GRTP1: variants seen among roughly 807,000 people sequenced by gnomAD.
GRTP1 encodes growth hormone-regulated TBC protein 1.
Under a neutral mutation model 38.1 loss-of-function variants are expected in GRTP1, and 56 were observed. The ratio of observed to expected loss-of-function variants is 1.47; its 90% CI spans 1.19 to 1.84. The LOEUF is 1.84. GRTP1 is among the 40% of genes most tolerant of loss of function. The pLI, the probability that GRTP1 is intolerant of heterozygous loss-of-function variation, is 0.00. For synonymous variants in GRTP1, 217 were observed against 189.5 expected (o/e 1.14, Z -1.19); for missense variants, 506 against 453.9 (o/e 1.11, Z -1.04).
intron 5 of GRTP1, among the ~76,000 whole-genome samples, chr13:113,338,067 CAT>C (rs2042978208): frequency 6.6e-6 from 1 of 152,270 alleles, no homozygotes; most frequent in South Asian, 2.1e-4. Flanking sequence ...TGCACCGACT[CAT>C]GACTGACGCA....
intron 2 of GRTP1, among the ~76,000 whole-genome samples, chr13:113,357,577 A>ATGAAAAACAT (rs1403997599): frequency 6.6e-6 from 1 of 152,144 alleles, no homozygotes. Context: ...TTACAGGAAC[A>ATGAAAAACAT]TGAAAAACAT....
intron 3 of GRTP1, among the ~76,000 whole-genome samples, chr13:113,352,197 A>G (rs558740580): frequency 7.0e-6 from 1 of 143,656 alleles, no homozygotes; most frequent in South Asian, 2.2e-4. Flanking sequence ...AGCTGTGTTC[A>G]TTTATATGTA....
intron 5 of GRTP1, among the ~76,000 whole-genome samples, chr13:113,341,954 GT>G (rs961528103): frequency 1.3e-5 from 2 of 150,924 alleles, no homozygotes; most frequent in African/African-American, 2.4e-5. Flanking sequence ...GCCCGGCCCT[GT>G]TTTTTTTTGA....
At chr13:113,362,355 A>C (rs2043514105) in intron 2 of GRTP1, among the ~76,000 whole-genome samples, 1 of 152,118 alleles carries the variant, frequency 6.6e-6, no homozygotes, top group African/African-American at 2.4e-5. Flanking sequence ...AAAAAGAATA[A>C]ATGAAAAGGA....
intron 5 of GRTP1, among the ~76,000 whole-genome samples, chr13:113,329,967 G>T (rs970718176): frequency 6.6e-6 from 1 of 152,244 alleles, no homozygotes; most frequent in African/African-American, 2.4e-5. Flanking sequence ...AAGTGTGCAT[G>T]GAAAACCAGG....
At position 113,357,766 on chromosome 13, in the gene GRTP1, G is replaced by A. The variant is rs759929190; in HGVS notation, c.182-2285C>T. 7.9e-4 allele frequency among the ~76,000 whole-genome samples: 120 copies of A among 152,120 alleles called. 1 individual carries two copies. Among genetic ancestry groups the A allele is most frequent in the Admixed American group, 5.2e-4 (8 of 15,272 alleles). Reference sequence around the variant, plus strand: ...TCTGTGCTATACAACAGCAGGAGACGGTGAGTCCCAGCACAGGCAAGGACT... The same window carrying A: ...TCTGTGCTATACAACAGCAGGAGACAGTGAGTCCCAGCACAGGCAAGGACT... On this transcript the variant is annotated intron_variant, in intron 2 of 7. Coordinates refer to ENST00000375431, the MANE Select transcript of GRTP1 (RefSeq NM_024719.4).
rs1378695043 is a variant in GRTP1 at position 113,364,019 on chromosome 13, C to T, written c.32+1G>A. On this transcript the variant is annotated splice_donor_variant, in intron 1 of 7. Coordinates refer to ENST00000375431, the MANE Select transcript of GRTP1 (RefSeq NM_024719.4). LOFTEE classifies it high-confidence loss of function. ...GGACGCCCGCACCCCGCGCCACACA[C>T]CTGGGGACCCGCGAGCGCTCGGCGG... 7.5e-7 allele frequency: 1 copy of T among 1,327,322 alleles called. No homozygotes were observed. Among genetic ancestry groups the T allele is most frequent in the African/African-American group, 1.6e-5 (1 of 64,000 alleles). 82.2% of individuals were successfully genotyped at this position (1,327,322 alleles called of 1,614,324 possible).
At chr13:113,354,430 A>T (rs1179624452) in intron 3 of GRTP1, among the ~76,000 whole-genome samples, 1 of 152,202 alleles carries the variant, frequency 6.6e-6, no homozygotes. Flanking sequence ...GGGTTTTTTA[A>T]AATTAAGTAT....
intron 3 of GRTP1, among the ~76,000 whole-genome samples, chr13:113,351,247 T>C (rs769129703): frequency 2.0e-5 from 3 of 152,100 alleles, no homozygotes; most frequent in Non-Finnish European, 4.4e-5. Context: ...GGCCAGGCCA[T>C]GGCACTCCCT....
rs752245801 is a variant in GRTP1 at position 113,325,793 on chromosome 13, G to C, written c.789C>G (p.Phe263Leu). ...CLFNEGSKII[F>L]RVALTLIKQH... ...GCTTAATTAAGGTCAGGGCCACCCG[G>C]AAGATAATCTTCGAGCCTTCGTTAA... is the stretch of plus-strand genomic sequence containing the variant. Residue 263 changes from phenylalanine (F) to leucine (L), a missense_variant, in exon 7 of 8, where the codon TTC (phenylalanine) becomes TTG (leucine). Phe to Leu is a conservative substitution (Grantham distance 22). Coordinates refer to ENST00000375431, the MANE Select transcript of GRTP1 (RefSeq NM_024719.4). 5 of 1,614,052 alleles carry C rather than the reference G, an allele frequency of 3.1e-6. No homozygotes were observed. Among genetic ancestry groups the C allele is most frequent in the Non-Finnish European group, 3.4e-6 (4 of 1,180,022 alleles).
intron 3 of GRTP1, chr13:113,351,537 C>G (rs2043266514): frequency 6.4e-6 from 1 of 157,374 alleles, no homozygotes; most frequent in Non-Finnish European, 1.4e-5. Context: ...CCCTGCCGGC[C>G]TCTTCCTTCC....
chr13:113,350,568 TCCCACAGCACACACAC>T lies in GRTP1; in HGVS notation c.465+265_465+280del, dbSNP rs1356815231. ...GCACACACACCCCACAGCACACATA[TCCCACAGCACACACAC>T]CCCACAGCGCACGCACCCCACAGCA... On this transcript the variant is annotated intron_variant, in intron 4 of 7. Transcript: ENST00000375431. Among the ~76,000 whole-genome samples, 5 of 62,560 alleles carry T rather than the reference TCCCACAGCACACACAC, an allele frequency of 8.0e-5. No homozygotes were observed. The East Asian group carries it at 4.1e-3, about 52-fold the overall frequency. 41.0% of individuals were successfully genotyped at this position (62,560 alleles called of 152,430 possible).
intron 5 of GRTP1, among the ~76,000 whole-genome samples, chr13:113,334,073 G>T (rs1426907409): frequency 6.6e-6 from 1 of 152,028 alleles, no homozygotes; most frequent in Non-Finnish European, 1.5e-5. Flanking sequence ...GACCCCAGGT[G>T]ATCTGCCCAC....
At chr13:113,324,894 T>A in intron 7 of GRTP1, 1 of 785,402 alleles carries the variant, frequency 1.3e-6, no homozygotes, top group Non-Finnish European at 1.6e-6. Flanking sequence ...TGGCGCGATC[T>A]CGGCTCACTG....
At chr13:113,327,779 CATCA>C (rs1316139916) in intron 5 of GRTP1, among the ~76,000 whole-genome samples, 1 of 152,234 alleles carries the variant, frequency 6.6e-6, no homozygotes, top group African/African-American at 2.4e-5. Flanking sequence ...GGTGAAGAAC[CATCA>C]ATCAGTGCCC....
rs532394834 is a variant in GRTP1 at position 113,348,843 on chromosome 13, C to T, written c.465+2006G>A. ...GCGACCTCACCTGCCCCGCAGATGC[C>T]GCGACCTCTGATGCACAGCTTCCAG... On this transcript the variant is annotated intron_variant, in intron 4 of 7. Transcript: ENST00000375431. This position sits in a 1 kb window ranked among gnomAD's most constrained non-coding sequence, Gnocchi z 4.8. Among the ~76,000 whole-genome samples the T allele has an allele frequency of 2.9e-4, 44 of 152,128 alleles. No individual in the cohort carries two copies. Among genetic ancestry groups the T allele is most frequent in the Admixed American group, 4.6e-4 (7 of 15,274 alleles).
chr13:113,331,304 G>A (rs575795373), intron 5 of GRTP1, among the ~76,000 whole-genome samples: 1 of 152,338 alleles, frequency 6.6e-6, no homozygotes, highest in African/African-American at 2.4e-5. Context: ...CAGAGACCAG[G>A]TGCATGACCT....
rs1194876693 is a variant in GRTP1, at chr13:113,349,567, G to A, written c.465+1282C>T. On this transcript the variant is annotated intron_variant, in intron 4 of 7. Transcript: ENST00000375431. This position sits in a 1 kb window ranked among gnomAD's most constrained non-coding sequence, Gnocchi z 5.0. ...TGGCAGGAATTCTGTCTGCAAAGGA[G>A]GGACTCTCCCAGCTTCACCCGACAC... is the stretch of plus-strand genomic sequence containing the variant. 3.9e-5 allele frequency among the ~76,000 whole-genome samples: 6 copies of A among 152,242 alleles called. No individual in the cohort carries two copies. The highest frequency in any genetic ancestry group is 1.4e-4 in the African/African-American group (6 of 41,464).
chr13:113,352,305 ATATATATTT>A (rs2043290349), intron 3 of GRTP1, among the ~76,000 whole-genome samples: 2 of 66,204 alleles, frequency 3.0e-5, no homozygotes, highest in Non-Finnish European at 5.6e-5. Context: ...TATATATTTT[ATATATATTT>A]TATATATATT....
Sources: allele counts gnomAD v4.1 joint callset (sites outside exome capture counted in the v4.1 genomes callset), GRCh38; gene constraint gnomAD v4.1.1; non-coding constraint Gnocchi (gnomAD v3.1); transcripts MANE v1.5; gene names NCBI Gene and HGNC (gene_info 2026-07-23, HGNC 2026-07-21).